The following FSHR variants were observed in gnomAD, a reference collection of about 807,000 sequenced individuals.
FSHR encodes the protein follicle-stimulating hormone receptor.
FSHR carries 46 observed loss-of-function variants against 52.1 expected under a neutral mutation model. The ratio of observed to expected loss-of-function variants is 0.88; its 90% CI spans 0.70 to 1.13. FSHR has a LOEUF of 1.13. FSHR is among the 50% of genes most tolerant of loss of function. The pLI is 0.00. For missense variants in FSHR, 964 were observed against 834.6 expected (o/e 1.16, Z -1.91); for synonymous variants, 399 against 309.6 (o/e 1.29, Z -3.03).
intron 4 of FSHR, among the ~76,000 whole-genome samples, chr2:49,006,328 C>T (rs986541747): frequency 7.2e-5 from 11 of 152,062 alleles, no homozygotes; most frequent in Non-Finnish European, 1.5e-4. Context: ...CACTCTGCTG[C>T]TCAAGAATAT....
chr2:48,992,481 G>A (rs969799235), intron 4 of FSHR, among the ~76,000 whole-genome samples: 3 of 152,198 alleles, frequency 2.0e-5, no homozygotes, highest in Non-Finnish European at 4.4e-5. Flanking sequence ...CACTGCCAGG[G>A]AAGTGGGGAG....
At chr2:49,028,099 C>CA (rs1028421601) in intron 2 of FSHR, among the ~76,000 whole-genome samples, 1 of 151,006 alleles carries the variant, frequency 6.6e-6, no homozygotes, top group African/African-American at 2.4e-5. Context: ...TTGGCAGAGG[C>CA]AAAAAAAAGT....
intron 1 of FSHR, among the ~76,000 whole-genome samples, chr2:49,115,824 G>A (rs1671577851): frequency 1.3e-5 from 2 of 152,104 alleles, no homozygotes; most frequent in African/African-American, 2.4e-5. Flanking sequence ...TGATATAAAT[G>A]TTACTGTCAA....
intron 1 of FSHR, among the ~76,000 whole-genome samples, chr2:49,074,235 C>G (rs1307789172): frequency 6.6e-6 from 1 of 151,900 alleles, no homozygotes; most frequent in African/African-American, 2.4e-5. Flanking sequence ...AAACAAAAAA[C>G]AGAATGAAAA....
At chr2:49,138,622 C>G (rs1002232797) in intron 1 of FSHR, among the ~76,000 whole-genome samples, 10 of 151,596 alleles carry the variant, frequency 6.6e-5, no homozygotes, top group African/African-American at 2.4e-4. Context: ...ATTGTATGAT[C>G]CCACTCATAA....
chr2:48,977,873 G>C (rs767420473), intron 8 of FSHR, among the ~76,000 whole-genome samples: 15 of 152,138 alleles, frequency 9.9e-5, no homozygotes, highest in Admixed American at 7.9e-4. Flanking sequence ...CTGGACAAGC[G>C]GGGAGGGGTA....
chr2:48,984,853 T>TA (rs1373798670), intron 6 of FSHR, among the ~76,000 whole-genome samples: 1 of 152,212 alleles, frequency 6.6e-6, no homozygotes, highest in Non-Finnish European at 1.5e-5. Context: ...TAATTTTAAA[T>TA]AATTATTGTA....
At chr2:48,988,429 A>T (rs1168008801) in intron 6 of FSHR, among the ~76,000 whole-genome samples, 4 of 152,234 alleles carry the variant, frequency 2.6e-5, no homozygotes, top group African/African-American at 9.6e-5. Flanking sequence ...GGCTACTGGC[A>T]TAAAAGAGTA....
intron 1 of FSHR, among the ~76,000 whole-genome samples, chr2:49,119,523 T>G (rs1053180385): frequency 2.0e-5 from 3 of 152,210 alleles, no homozygotes; most frequent in Admixed American, 1.3e-4. Context: ...AAAAATTTTT[T>G]TCTTTCCTTT....
At chr2:49,038,677 T>A (rs1668381749) in intron 2 of FSHR, among the ~76,000 whole-genome samples, 2 of 147,762 alleles carry the variant, frequency 1.4e-5, no homozygotes, top group Non-Finnish European at 3.0e-5. Context: ...ATAATACTGG[T>A]TTAGGGGAAT....
At position 48,981,568 on chromosome 2, in the gene FSHR, C is replaced by T. The variant is rs1019588009; in HGVS notation, c.668+1344G>A. ...TACTCCATTTGTATAGGTTGCCTATCTCAAGCCAGGCATTCTCGAATAATC... is the reference window on the plus strand; with the variant it reads ...TACTCCATTTGTATAGGTTGCCTATTTCAAGCCAGGCATTCTCGAATAATC... On this transcript the variant is annotated intron_variant, in intron 8 of 9. Coordinates refer to ENST00000406846, the MANE Select transcript of FSHR (RefSeq NM_000145.4). Among the ~76,000 whole-genome samples the T allele has an allele frequency of 9.2e-5, 14 of 152,316 alleles. 1 individual carries two copies. The highest frequency in any genetic ancestry group is 7.2e-4 in the Admixed American group (11 of 15,296).
rs540508472 is a variant in FSHR at position 49,082,917 on chromosome 2, C to G, written c.153-14627G>C. Among the ~76,000 whole-genome samples, 1,390 of 152,142 alleles carry G rather than the reference C, an allele frequency of 9.1e-3. 22 individuals carry two copies. Among genetic ancestry groups the G allele is most frequent in the African/African-American group, 0.032 (1,338 of 41,484 alleles). Reference sequence around the variant, plus strand: ...GAGAATGGAACCAAGTTGGAAAACACTCTGCAGGATATTATCCAGGAGAAC... The same window carrying G: ...GAGAATGGAACCAAGTTGGAAAACAGTCTGCAGGATATTATCCAGGAGAAC... On this transcript the variant is annotated intron_variant, in intron 1 of 9. Transcript: ENST00000406846.
chr2:49,110,053 A>T (rs1671369859), intron 1 of FSHR, among the ~76,000 whole-genome samples: 1 of 152,088 alleles, frequency 6.6e-6, no homozygotes, highest in Non-Finnish European at 1.5e-5. Flanking sequence ...CAGGGTTTGC[A>T]TGTTGATATT....
At chr2:49,134,971 C>T (rs967475923) in intron 1 of FSHR, among the ~76,000 whole-genome samples, 22 of 152,010 alleles carry the variant, frequency 1.4e-4, no homozygotes, top group African/African-American at 3.1e-4. Context: ...TGCTAGATGA[C>T]GAGTTAGTGG....
chr2:49,088,326 A>G (rs1259519432), intron 1 of FSHR, among the ~76,000 whole-genome samples: 1 of 152,240 alleles, frequency 6.6e-6, no homozygotes, highest in Non-Finnish European at 1.5e-5. Context: ...ATTTAAAAAA[A>G]GACAGCAGTC....
chr2:49,146,321 G>T lies in FSHR; in HGVS notation c.152+7945C>A, dbSNP rs181434604. Reference sequence around the variant, plus strand: ...AACCGAAGCCACTTCAGAAAGTCTAGTGCTCAAGGATGTGGCCCTTTCATA... The same window carrying T: ...AACCGAAGCCACTTCAGAAAGTCTATTGCTCAAGGATGTGGCCCTTTCATA... On this transcript the variant is annotated intron_variant, in intron 1 of 9. Transcript: ENST00000406846. Among the ~76,000 whole-genome samples, 5 of 152,170 alleles carry T rather than the reference G, an allele frequency of 3.3e-5. No individual in the cohort carries two copies. In the East Asian group the frequency reaches 9.7e-4, roughly 29 times the overall value.
intron 4 of FSHR, among the ~76,000 whole-genome samples, chr2:49,011,022 A>G (rs1347462260): frequency 6.7e-6 from 1 of 150,188 alleles, no homozygotes. Context: ...TTGTGTCTCT[A>G]TTTCCTTCAG....
intron 4 of FSHR, chr2:48,997,333 T>G (rs1359527622): frequency 4.1e-6 from 4 of 984,942 alleles, no homozygotes; most frequent in African/African-American, 1.7e-5. Context: ...TGTCTCAGTC[T>G]CCATGGAAAC....
chr2:48,982,567 C>T (rs1407299315), intron 8 of FSHR, among the ~76,000 whole-genome samples: 1 of 152,086 alleles, frequency 6.6e-6, no homozygotes, highest in African/African-American at 2.4e-5. Flanking sequence ...GGTGAATTAA[C>T]CTCTCCAGGG....
Sources: gnomAD v4.1 joint callset for allele counts (sites outside exome capture counted in the v4.1 genomes callset) on GRCh38, gnomAD v4.1.1 for gene constraint, MANE v1.5 for transcripts, NCBI Gene and HGNC (gene_info 2026-07-23, HGNC 2026-07-21) for gene names.